Variants in DPYSL5 observed in about 807,000 individuals in gnomAD.
DPYSL5 encodes dihydropyrimidinase like 5.
In DPYSL5, 9 loss-of-function variants were observed where a neutral mutation model predicts 58.4. That is an observed-to-expected ratio of 0.15 (90% CI 0.09 to 0.27). DPYSL5 has a LOEUF of 0.27. Among genes scored for constraint, DPYSL5 ranks in the 10% least tolerant of loss-of-function variants. The probability of loss-of-function intolerance (pLI) is 1.00; values close to 1 mark genes in which losing one functional copy is unlikely to be tolerated. For missense variants in DPYSL5, 499 were observed against 770.6 expected (o/e 0.65, Z 4.17); for synonymous variants, 293 against 301.9 (o/e 0.97, Z 0.31).
intron 1 of DPYSL5, among the ~76,000 whole-genome samples, chr2:26,874,079 T>C (rs1183167686): frequency 6.6e-6 from 1 of 152,216 alleles, no homozygotes; most frequent in African/African-American, 2.4e-5. Flanking sequence ...AAATAGTGTC[T>C]CTTCAAGTGT....
At chr2:26,941,230 A>AC (rs1489038426) in intron 9 of DPYSL5, among the ~76,000 whole-genome samples, 1 of 152,004 alleles carries the variant, frequency 6.6e-6, no homozygotes, top group Admixed American at 6.6e-5. Flanking sequence ...GAGCCACTGC[A>AC]CCCGGCCTCT....
intron 6 of DPYSL5, among the ~76,000 whole-genome samples, chr2:26,931,922 T>G (rs1664999713): frequency 6.8e-6 from 1 of 147,504 alleles, no homozygotes; most frequent in Non-Finnish European, 1.5e-5. Context: ...GCAGGAGAAT[T>G]GCTTGAACCC....
At chr2:26,864,029 GC>G (rs1377208078) in intron 1 of DPYSL5, among the ~76,000 whole-genome samples, 2 of 152,188 alleles carry the variant, frequency 1.3e-5, no homozygotes, top group East Asian at 3.9e-4. Flanking sequence ...GATCATTAGA[GC>G]CCAGGAGTTT....
chr2:26,851,009 CTAAAT>C (rs1665737414), intron 1 of DPYSL5, among the ~76,000 whole-genome samples: 1 of 151,824 alleles, frequency 6.6e-6, no homozygotes, highest in Non-Finnish European at 1.5e-5. Flanking sequence ...CTATATTTTA[CTAAAT>C]TATATATGCA....
In DPYSL5 at chr2:26,940,073, C is replaced by T. The variant is rs1013266322; in HGVS notation, c.990C>T (p.Thr330=). ...NIVASDHRPF[T]TKQKAMGKED... Reference sequence around the variant, plus strand: ...TGGCATCAGATCACCGGCCTTTCACCACAAAGCAGAAAGCTATGGGCAAGG... The same window carrying T: ...TGGCATCAGATCACCGGCCTTTCACTACAAAGCAGAAAGCTATGGGCAAGG... The change falls in exon 9 of 13, where the codon ACC becomes ACT. Residue 330 remains threonine (T), a synonymous_variant. Coordinates refer to ENST00000288699, the MANE Select transcript of DPYSL5 (RefSeq NM_020134.4). The T allele has an allele frequency of 4.3e-6, 7 of 1,614,094 alleles. No homozygotes were observed. The highest frequency in any genetic ancestry group is 4.0e-5 in the African/African-American group (3 of 74,930).
intron 1 of DPYSL5, among the ~76,000 whole-genome samples, chr2:26,852,452 G>A (rs969555907): frequency 6.6e-6 from 1 of 152,192 alleles, no homozygotes; most frequent in Admixed American, 6.5e-5. Flanking sequence ...AAGAAATTCA[G>A]GGAGGAACAT....
At position 26,930,973 on chromosome 2, in the gene DPYSL5, G is replaced by A. The variant is rs1327199836; in HGVS notation, c.670-667G>A. On this transcript the variant is annotated intron_variant, in intron 5 of 12. Coordinates refer to ENST00000288699, the MANE Select transcript of DPYSL5 (RefSeq NM_020134.4). ...TGGGCGACAGAGCAAGACTCCGTCT[G>A]GGAAAAAAAAAAAAAATTAGCCAAG... is the stretch of plus-strand genomic sequence containing the variant. Among the ~76,000 whole-genome samples, 13 of 144,806 alleles carry A rather than the reference G, an allele frequency of 9.0e-5. No individual in the cohort carries two copies. The South Asian group carries it at 2.9e-3, about 32-fold the overall frequency. The allele number at this position is 144,806 out of a possible 152,430, so 95.0% of individuals were successfully genotyped here.
rs190605709 is a variant in DPYSL5 at position 26,930,190 on chromosome 2, C to T, written c.670-1450C>T. ...TTGGTAGAGAAACACACACCAGATT[C>T]GACTGAAACACAGAGGGTATGCCTG... On this transcript the variant is annotated intron_variant, in intron 5 of 12. Transcript: ENST00000288699. Among the ~76,000 whole-genome samples the T allele has an allele frequency of 1.1e-4, 16 of 151,838 alleles. 1 individual carries two copies. In the Middle Eastern group the frequency reaches 0.014, roughly 129 times the overall value.
At chr2:26,879,060 G>A (rs1663486647) in intron 1 of DPYSL5, among the ~76,000 whole-genome samples, 1 of 152,198 alleles carries the variant, frequency 6.6e-6, no homozygotes, top group Admixed American at 6.5e-5. Flanking sequence ...AGCTCCATGA[G>A]AGTTGGTTGA....
intron 6 of DPYSL5, among the ~76,000 whole-genome samples, chr2:26,932,201 A>G (rs866499144): frequency 1.7e-5 from 1 of 58,812 alleles, no homozygotes; most frequent in East Asian, 4.2e-4. Context: ...GAAAGAAAGA[A>G]AGAAAGAAAA....
At chr2:26,920,207 T>G (rs1212507493) in intron 2 of DPYSL5, among the ~76,000 whole-genome samples, 1 of 152,000 alleles carries the variant, frequency 6.6e-6, no homozygotes, top group East Asian at 1.9e-4. Context: ...GCATCTGAGG[T>G]AAACATGGCA....
intron 2 of DPYSL5, among the ~76,000 whole-genome samples, chr2:26,906,806 G>C (rs1572699724): frequency 6.6e-6 from 1 of 152,252 alleles, no homozygotes; most frequent in Non-Finnish European, 1.5e-5. Flanking sequence ...TGTCACCCAG[G>C]CTGGAGCGTA....
intron 6 of DPYSL5, among the ~76,000 whole-genome samples, chr2:26,932,111 A>G (rs866037215): frequency 2.6e-4 from 35 of 135,422 alleles, no homozygotes; most frequent in African/African-American, 7.0e-4. Context: ...AAGAAAGAAA[A>G]GAAAAAAGAA....
chr2:26,946,680 C>T (rs1235908984), intron 12 of DPYSL5, among the ~76,000 whole-genome samples: 1 of 152,192 alleles, frequency 6.6e-6, no homozygotes, highest in Non-Finnish European at 1.5e-5. Flanking sequence ...AATGTCGGCT[C>T]TGAATCAGGA....
At chr2:26,893,068 C>A (rs992982050) in intron 1 of DPYSL5, among the ~76,000 whole-genome samples, 2 of 152,172 alleles carry the variant, frequency 1.3e-5, no homozygotes, top group Admixed American at 6.5e-5. Context: ...GCCTCTTCTC[C>A]CCAGAGGTCA....
At chr2:26,923,307 G>A (rs914882489) in intron 2 of DPYSL5, among the ~76,000 whole-genome samples, 4 of 152,050 alleles carry the variant, frequency 2.6e-5, no homozygotes, top group African/African-American at 9.7e-5. Context: ...CTCCAGCCTG[G>A]GCAACAGAGT....
intron 2 of DPYSL5, among the ~76,000 whole-genome samples, chr2:26,904,251 G>T (rs1639885067): frequency 6.6e-6 from 1 of 152,126 alleles, no homozygotes; most frequent in African/African-American, 2.4e-5. Context: ...AATTCCTTTT[G>T]GTGCCCAGCC....
At chr2:26,865,529 G>C (rs1056894417) in intron 1 of DPYSL5, among the ~76,000 whole-genome samples, 2 of 151,926 alleles carry the variant, frequency 1.3e-5, no homozygotes, top group Non-Finnish European at 2.9e-5. Context: ...TGACCAGGAC[G>C]GTCTTGATCT....
chr2:26,888,332 G>A (rs1663782651), intron 1 of DPYSL5, among the ~76,000 whole-genome samples: 1 of 149,740 alleles, frequency 6.7e-6, no homozygotes, highest in Admixed American at 6.7e-5. Flanking sequence ...CAGTAGTAGT[G>A]CAATCTGGGC....
Sources: allele counts gnomAD v4.1 joint callset (sites outside exome capture counted in the v4.1 genomes callset), GRCh38; gene constraint gnomAD v4.1.1; transcripts MANE v1.5; gene names NCBI Gene and HGNC (gene_info 2026-07-23, HGNC 2026-07-21).